The following ATAD2B variants were observed in gnomAD, a reference collection of about 807,000 sequenced individuals.
ATAD2B encodes ATPase family AAA domain containing 2B, also known as ATPase family AAA domain-containing protein 2B.
Under a neutral mutation model 167.6 loss-of-function variants are expected in ATAD2B, and 40 were observed. That is an observed-to-expected ratio of 0.24 (90% CI 0.19 to 0.31). ATAD2B has a LOEUF of 0.31. Ranked by LOEUF, ATAD2B falls within the 10% of genes least tolerant of loss-of-function variation. ATAD2B has a pLI of 1.00. For synonymous variants in ATAD2B, 579 were observed against 596.5 expected, an observed-to-expected ratio of 0.97 and a Z score of 0.43; for missense variants, 1,242 against 1,757.2, an observed-to-expected ratio of 0.71 and a Z score of 5.24.
chr2:23,856,383 A>G, intron 13 of ATAD2B: 1 of 329,672 alleles, frequency 3.0e-6, no homozygotes, highest in Non-Finnish European at 6.3e-6. Context: ...AACATTTCAG[A>G]TTTCAGATTT....
At chr2:23,867,093 A>G (rs1248539979) in intron 10 of ATAD2B, among the ~76,000 whole-genome samples, 3 of 152,196 alleles carry the variant, frequency 2.0e-5, no homozygotes, top group Non-Finnish European at 4.4e-5. Flanking sequence ...CCAAACCTAA[A>G]TAACCCATTA....
intron 8 of ATAD2B, among the ~76,000 whole-genome samples, chr2:23,871,099 T>C (rs144468553): frequency 7.3e-6 from 1 of 137,688 alleles, no homozygotes; most frequent in African/African-American, 2.6e-5. Context: ...TTCCACTAAC[T>C]AGTAATTTGC....
At chr2:23,777,015 T>C (rs967276667) in intron 22 of ATAD2B, among the ~76,000 whole-genome samples, 7 of 152,070 alleles carry the variant, frequency 4.6e-5, no homozygotes, top group African/African-American at 1.7e-4. Context: ...TGAGGACATA[T>C]GGGTGGGTTC....
chr2:23,872,527 G>T, intron 8 of ATAD2B: 1 of 880,236 alleles, frequency 1.1e-6, no homozygotes. Context: ...CAGAGCTCTG[G>T]CTTTGAGAGT....
chr2:23,907,483 G>A (rs1701666989), intron 1 of ATAD2B, among the ~76,000 whole-genome samples: 2 of 152,106 alleles, frequency 1.3e-5, no homozygotes, highest in South Asian at 4.2e-4. Flanking sequence ...ACAAACAAAT[G>A]GAAGAACATT....
the ATAD2B span, among the ~76,000 whole-genome samples, chr2:23,692,888 C>T: frequency 6.6e-6 from 1 of 152,282 alleles, no homozygotes; most frequent in Admixed American, 6.5e-5. Context: ...ACATGCCTGG[C>T]ACAACATGGA....
At chr2:23,709,104 G>A in the ATAD2B span, among the ~76,000 whole-genome samples, 4 of 151,840 alleles carry the variant, frequency 2.6e-5, no homozygotes, top group Admixed American at 2.0e-4. Flanking sequence ...GCAATGGCGC[G>A]ATCTCAGGCT....
chr2:23,730,812 T>C, the ATAD2B span, among the ~76,000 whole-genome samples: 6 of 151,838 alleles, frequency 4.0e-5, 1 homozygote, highest in South Asian at 1.3e-3. Context: ...TAATCTAATC[T>C]TTCAGTTTAA....
the ATAD2B span, among the ~76,000 whole-genome samples, chr2:23,709,298 T>C: frequency 1.3e-5 from 2 of 152,216 alleles, no homozygotes; most frequent in South Asian, 2.1e-4. Flanking sequence ...CACCTCAGCC[T>C]CCGAAAGTGC....
At chr2:23,925,053 G>A (rs1487310364) in intron 1 of ATAD2B, among the ~76,000 whole-genome samples, 2 of 152,030 alleles carry the variant, frequency 1.3e-5, no homozygotes, top group African/African-American at 4.8e-5. Context: ...TATTTTCTTT[G>A]TCCTTAAATG....
chr2:23,893,666 A>AT (rs1699820806), intron 2 of ATAD2B, among the ~76,000 whole-genome samples: 1 of 142,822 alleles, frequency 7.0e-6, no homozygotes, highest in Admixed American at 7.0e-5. Context: ...AAAAAAAAAA[A>AT]CTTTTTTTTT....
At chr2:23,926,445 C>A in intron 1 of ATAD2B, 110 bp downstream of exon 1, 5 of 1,433,074 alleles carry the variant, frequency 3.5e-6, no homozygotes, top group Non-Finnish European at 4.6e-6. Flanking sequence ...TGTCTCCAGC[C>A]GCCCGAGCGG....
intron 15 of ATAD2B, among the ~76,000 whole-genome samples, chr2:23,824,992 T>G (rs1688023522): frequency 6.6e-6 from 1 of 152,160 alleles, no homozygotes; most frequent in African/African-American, 2.4e-5. Context: ...TTGCCCAGGC[T>G]GAAGTGCAGT....
At chr2:23,829,235 T>A (rs1175531861) in intron 14 of ATAD2B, among the ~76,000 whole-genome samples, 1 of 152,196 alleles carries the variant, frequency 6.6e-6, no homozygotes, top group Non-Finnish European at 1.5e-5. Context: ...GTGACTCATC[T>A]GGGACTAGAA....
At chr2:23,836,129 G>A (rs1018306509) in intron 13 of ATAD2B, among the ~76,000 whole-genome samples, 16 of 152,138 alleles carry the variant, frequency 1.1e-4, no homozygotes, top group Non-Finnish European at 4.4e-5. Flanking sequence ...TGCCTGCCAG[G>A]GGCAAGCCAG....
the ATAD2B span, among the ~76,000 whole-genome samples, chr2:23,701,559 A>G: frequency 1.3e-5 from 2 of 152,228 alleles, no homozygotes; most frequent in South Asian, 2.1e-4. Flanking sequence ...CGACAAATCA[A>G]AAAATTAGCC....
intron 1 of ATAD2B, among the ~76,000 whole-genome samples, chr2:23,907,725 G>C (rs112050905): frequency 0.12 from 18,705 of 152,060 alleles, 1,244 homozygotes; most frequent in Middle Eastern, 0.21. Context: ...ATCACACTAC[G>C]TGACTTCAAA....
At chr2:23,745,224 C>T (rs1207846920), downstream of ATAD2B, among the ~76,000 whole-genome samples, 2 of 151,886 alleles carry the variant, frequency 1.3e-5, no homozygotes, top group Non-Finnish European at 2.9e-5. Context: ...GAGGCAGAGG[C>T]GGCAGTGAGC....
At chr2:23,914,808 A>G (rs1369908239) in intron 1 of ATAD2B, among the ~76,000 whole-genome samples, 1 of 150,150 alleles carries the variant, frequency 6.7e-6, no homozygotes, top group African/African-American at 2.5e-5. Flanking sequence ...GCGCCACTGC[A>G]CTCCAGCCTG....
Sources: gnomAD v4.1 joint callset for allele counts (sites outside exome capture counted in the v4.1 genomes callset) on GRCh38, gnomAD v4.1.1 for gene constraint, MANE v1.5 for transcripts, NCBI Gene and HGNC (gene_info 2026-07-23, HGNC 2026-07-21) for gene names.